Variants in AQP4 observed in about 807,000 individuals in gnomAD.
The protein encoded by AQP4 is aquaporin-4.
Under a neutral mutation model 27.8 loss-of-function variants are expected in AQP4, and 18 were observed. The observed-to-expected ratio is 0.65, with a 90% CI of 0.45 to 0.96. AQP4 has a LOEUF of 0.96. Among genes scored for constraint, AQP4 ranks in the 40% least tolerant of loss-of-function variants. AQP4 has a pLI of 0.00. For synonymous variants in AQP4, 141 were observed against 142.9 expected (o/e 0.99, Z 0.10); for missense variants, 412 against 408.2 (o/e 1.01, Z -0.08).
At position 26,862,223 on chromosome 18, in the gene AQP4, C is replaced by T. The variant is rs200102632; in HGVS notation, c.406G>A (p.Val136Ile). The part of the protein sequence containing the change: ...AIIGAGILYL[V>I]TPPSVVGGLG... ...CCTCCCACCACACTGGGAGGTGTGACCAGATAGAGGATTCCTGCTCCAATG... is the reference window on the plus strand; with the variant it reads ...CCTCCCACCACACTGGGAGGTGTGATCAGATAGAGGATTCCTGCTCCAATG... Residue 136 changes from valine to isoleucine, a missense_variant, in exon 2 of 5, where the codon GTC (valine) becomes ATC (isoleucine). By Grantham distance (29) the Val-to-Ile change is conservative. Coordinates refer to ENST00000383168, the MANE Select transcript of AQP4 (RefSeq NM_001650.7). The T allele has an allele frequency of 6.2e-7, 1 of 1,614,108 alleles. No homozygotes were observed. Among genetic ancestry groups the T allele is most frequent in the Middle Eastern group, 1.6e-4 (1 of 6,062 alleles).
chr18:26,865,340 C>A, intron 1 of AQP4: 1 of 473,364 alleles, frequency 2.1e-6, no homozygotes, highest in Non-Finnish European at 3.9e-6. Context: ...TTCATCCACT[C>A]CAGGACAGCT....
At chr18:26,863,177 A>C (rs1165620936) in intron 1 of AQP4, 1 of 160,354 alleles carries the variant, frequency 6.2e-6, no homozygotes, top group African/African-American at 2.4e-5. Flanking sequence ...GTGACTAGCA[A>C]GGGCGATGGG....
Position 26,856,465 on chromosome 18 carries a change from C to T in AQP4, c.718G>A (p.Gly240Arg). 1 of 1,614,202 alleles carries T rather than the reference C, an allele frequency of 6.2e-7. No individual in the cohort carries two copies. Among genetic ancestry groups the T allele is most frequent in the Non-Finnish European group, 8.5e-7 (1 of 1,180,040 alleles). ...HWIYWVGPII[G>R]AVLAGGLYEY... ...TAAAGGCCACCAGCGAGGACAGCTC[C>T]TATGATGGGCCCAACCCAATATATC... is the stretch of plus-strand genomic sequence containing the variant. The change falls in exon 5 of 5, where the codon GGA becomes AGA. Residue 240 changes from glycine to arginine, a missense_variant. Gly to Arg is a moderately radical substitution (Grantham distance 125). Coordinates refer to ENST00000383168, the MANE Select transcript of AQP4 (RefSeq NM_001650.7).
rs1233319989 is a variant in AQP4 at position 26,852,830 on chromosome 18, T to G, written c.*3381A>C. ...GAATTTATATTGGCTTTTATATTGT[T>G]TGATAAGGTTGTCTGTGCCCCCCAG... On this transcript the variant is annotated 3_prime_UTR_variant, in exon 5 of 5. Transcript: ENST00000383168. The G allele has an allele frequency of 2.5e-6, 1 of 398,484 alleles. No homozygotes were observed. The highest frequency in any genetic ancestry group is 4.4e-6 in the Non-Finnish European group (1 of 226,030). 24.7% of individuals were successfully genotyped at this position (398,484 alleles called of 1,614,324 possible). A position where few individuals can be genotyped will look rare whatever the true frequency, so the allele number is the denominator to read the frequency against.
At chr18:26,857,266 A>G (rs2054860764) in intron 4 of AQP4, among the ~76,000 whole-genome samples, 1 of 151,904 alleles carries the variant, frequency 6.6e-6, no homozygotes, top group African/African-American at 2.4e-5. Context: ...ATATGAGTTT[A>G]TGGCTAGTTG....
intron 2 of AQP4, 68 bp from the exon 3 acceptor site, chr18:26,861,363 A>T (rs1254474790): frequency 6.8e-7 from 1 of 1,463,708 alleles, no homozygotes; most frequent in Non-Finnish European, 9.5e-7. Context: ...TATTAATATC[A>T]TTGTGAAAGG....
chr18:26,860,385 A>G (rs1464605456), intron 4 of AQP4, among the ~76,000 whole-genome samples: 2 of 152,128 alleles, frequency 1.3e-5, no homozygotes, highest in Non-Finnish European at 2.9e-5. Context: ...TTTTTCCATT[A>G]TAGCTGGGAA....
chr18:26,854,157 A>G lies in AQP4; in HGVS notation c.*2054T>C, dbSNP rs555627352. Reference sequence around the variant, plus strand: ...AATGCTATAATTGGAAGTGAGTGTAAAAGTGAGTGTATATGAAATAAACCA... The same window carrying G: ...AATGCTATAATTGGAAGTGAGTGTAGAAGTGAGTGTATATGAAATAAACCA... On this transcript the variant is annotated 3_prime_UTR_variant, in exon 5 of 5. Coordinates refer to ENST00000383168, the MANE Select transcript of AQP4 (RefSeq NM_001650.7). 1 of 152,220 alleles carries G rather than the reference A, an allele frequency of 6.6e-6. No homozygotes were observed. The highest frequency in any genetic ancestry group is 1.5e-5 in the Non-Finnish European group (1 of 68,048). 9.4% of individuals were successfully genotyped at this position (152,220 alleles called of 1,614,324 possible).
Position 26,856,373 on chromosome 18 carries a change from G to C in AQP4, c.810C>G (p.Ala270=). The change falls in exon 5 of 5, where the codon GCC becomes GCG. Residue 270 remains alanine, a synonymous_variant. Transcript: ENST00000383168. ...CCATGTAGCTTCCTTTTGTTTGCTG[G>C]GCAGCTTTGCTGAAGGCTTCTTTAA... is the stretch of plus-strand genomic sequence containing the variant. ...RRFKEAFSKA[A]QQTKGSYMEV... is the part of the protein sequence containing the mutation. 6.2e-7 allele frequency: 1 copy of C among 1,614,152 alleles called. No individual in the cohort carries two copies. Among genetic ancestry groups the C allele is most frequent in the Non-Finnish European group, 8.5e-7 (1 of 1,180,042 alleles).
At chr18:26,860,743 A>T in intron 4 of AQP4, 29 bp downstream of exon 4, 1 of 1,578,152 alleles carries the variant, frequency 6.3e-7, no homozygotes, top group Non-Finnish European at 8.7e-7. Flanking sequence ...CAACTGTAGG[A>T]AGATGGGAAC....
chr18:26,858,682 C>T (rs551166459), intron 4 of AQP4, among the ~76,000 whole-genome samples: 49 of 152,296 alleles, frequency 3.2e-4, no homozygotes, highest in Non-Finnish European at 5.3e-4. Flanking sequence ...GGCTACAAAT[C>T]CCACAAGGGA....
chr18:26,857,045 G>T (rs1372961914), intron 4 of AQP4, among the ~76,000 whole-genome samples: 1 of 152,136 alleles, frequency 6.6e-6, no homozygotes, highest in Non-Finnish European at 1.5e-5. Context: ...TTCCTCATCT[G>T]TAAAGTGGGG....
rs2054777233 is a variant in AQP4 at position 26,852,986 on chromosome 18, G to T, written c.*3225C>A. ...CATTTGAATTTACTGCTCTAGTTTG[G>T]AATTTTCCTGTCATTATCGAGTTTA... On this transcript the variant is annotated 3_prime_UTR_variant, in exon 5 of 5. Coordinates refer to ENST00000383168, the MANE Select transcript of AQP4 (RefSeq NM_001650.7). 1 of 397,878 alleles carries T rather than the reference G, an allele frequency of 2.5e-6. No individual in the cohort carries two copies. The highest frequency in any genetic ancestry group is 4.4e-6 in the Non-Finnish European group (1 of 225,732). The allele number at this position is 397,878 out of a possible 1,614,324, so 24.6% of individuals were successfully genotyped here.
chr18:26,863,614 A>G (rs189138893), intron 1 of AQP4, among the ~76,000 whole-genome samples: 1 of 152,152 alleles, frequency 6.6e-6, no homozygotes, highest in East Asian at 1.9e-4. Flanking sequence ...AAACCTGCCA[A>G]AGGGAGCCTG....
chr18:26,853,870 G>T lies in AQP4; in HGVS notation c.*2341C>A, dbSNP rs2054795695. ...TCATTTCATGCCCCTAAAAATAGTA[G>T]AATGCAAAAAATGTATTTTATGGTT... On this transcript the variant is annotated 3_prime_UTR_variant, in exon 5 of 5. Transcript: ENST00000383168. The T allele has an allele frequency of 6.6e-6, 1 of 152,278 alleles. No individual in the cohort carries two copies. Among genetic ancestry groups the T allele is most frequent in the Non-Finnish European group, 1.5e-5 (1 of 68,010 alleles). The allele number at this position is 152,278 out of a possible 1,614,324, so 9.4% of individuals were successfully genotyped here.
chr18:26,857,477 C>A (rs1195272789), intron 4 of AQP4, among the ~76,000 whole-genome samples: 1 of 152,088 alleles, frequency 6.6e-6, no homozygotes, highest in Non-Finnish European at 1.5e-5. Flanking sequence ...CAGGTGCCCG[C>A]CACCACGCCT....
At chr18:26,865,294 G>A (rs938706215) in intron 1 of AQP4, 1 of 379,804 alleles carries the variant, frequency 2.6e-6, no homozygotes, top group Non-Finnish European at 5.0e-6. Flanking sequence ...TTGATGTACT[G>A]AATCGGACAC....
chr18:26,859,841 A>G (rs1261282393), intron 4 of AQP4, among the ~76,000 whole-genome samples: 1 of 152,206 alleles, frequency 6.6e-6, no homozygotes, highest in Non-Finnish European at 1.5e-5. Context: ...CACAAGGGGC[A>G]TATTCTGTTA....
At chr18:26,861,062 A>G in intron 3 of AQP4, 69 bp downstream of exon 3, 1 of 1,580,854 alleles carries the variant, frequency 6.3e-7, no homozygotes, top group Non-Finnish European at 8.7e-7. Flanking sequence ...AAAACACAAC[A>G]TCTTCAGGCC....
Sources: gnomAD v4.1 joint callset for allele counts (sites outside exome capture counted in the v4.1 genomes callset) on GRCh38, gnomAD v4.1.1 for gene constraint, MANE v1.5 for transcripts, NCBI Gene and HGNC (gene_info 2026-07-23, HGNC 2026-07-21) for gene names.